TSC22D3: variants seen among roughly 807,000 people sequenced by gnomAD.
TSC22D3 encodes TSC22 domain family member 3.
In TSC22D3, 4 loss-of-function variants were observed where a neutral mutation model predicts 11.1. The ratio of observed to expected loss-of-function variants is 0.36; its 90% CI spans 0.18 to 0.83. The LOEUF (loss-of-function observed/expected upper bound fraction) is 0.83. TSC22D3 is among the 40% of genes least tolerant of loss of function. The probability of loss-of-function intolerance (pLI) is 0.48; values close to 1 mark genes in which losing one functional copy is unlikely to be tolerated. For synonymous variants in TSC22D3, 77 were observed against 70.3 expected (o/e 1.10, Z -0.48); for missense variants, 118 against 159.4 (o/e 0.74, Z 1.40).
intron 1 of TSC22D3, among the ~76,000 whole-genome samples, chrX:107,746,846 T>A (rs1225546953): frequency 8.9e-6 from 1 of 112,215 alleles, no homozygotes; most frequent in Non-Finnish European, 1.9e-5. Context: ...TGGATTACAT[T>A]TGAAGGAGTG....
chrX:107,748,419 C>T (rs1928772762), intron 1 of TSC22D3, among the ~76,000 whole-genome samples: 1 of 111,618 alleles, frequency 9.0e-6, no homozygotes. Context: ...CAGTGGTCAG[C>T]TCAGAAGCCC....
In TSC22D3 at chrX:107,713,815, T is replaced by G. The variant is rs1217114563; in HGVS notation, c.*704A>C. 8.9e-6 allele frequency: 1 copy of G among 112,677 alleles called. No individual in the cohort carries two copies. 9.3% of individuals were successfully genotyped at this position (112,677 alleles called of 1,213,427 possible). On this transcript the variant is annotated 3_prime_UTR_variant, in exon 3 of 3. Transcript: ENST00000372383. ...CTGGTTAGGCCCTTCAACATGTAGG[T>G]GGATGTGTATATGTATACATCGCTA... is the stretch of plus-strand genomic sequence containing the variant.
Position 107,738,416 on chromosome X carries a change from C to T in TSC22D3, c.321-22466G>A, listed in dbSNP as rs58725239. On this transcript the variant is annotated intron_variant, in intron 1 of 2. Coordinates refer to ENST00000372383, the MANE Select transcript of TSC22D3 (RefSeq NM_198057.3). ...ACCCTGCCCTCTGGGTGATCTTGCTCAAGGACGCCAAGGGAGTTGGTGGTA... is the reference window on the plus strand; with the variant it reads ...ACCCTGCCCTCTGGGTGATCTTGCTTAAGGACGCCAAGGGAGTTGGTGGTA... Among the ~76,000 whole-genome samples, 670 of 112,670 alleles carry T rather than the reference C, an allele frequency of 5.9e-3. 4 individuals carry two copies. The highest frequency in any genetic ancestry group is 0.021 in the African/African-American group (640 of 31,001).
chrX:107,716,576 G>A (rs1927052363), intron 1 of TSC22D3: 1 of 925,190 alleles, frequency 1.1e-6, no homozygotes, highest in Non-Finnish European at 1.3e-6. Context: ...CCAGGATGCT[G>A]CACCGCGGGG....
chrX:107,769,810 G>C (rs1929825035), intron 1 of TSC22D3, among the ~76,000 whole-genome samples: 1 of 110,805 alleles, frequency 9.0e-6, no homozygotes. Context: ...CCACCTACTA[G>C]TCTCCTTGCA....
intron 1 of TSC22D3, among the ~76,000 whole-genome samples, chrX:107,749,178 TACACACACACACACACACAC>T (rs61681572): frequency 1.7e-3 from 145 of 87,356 alleles, no homozygotes; most frequent in African/African-American, 5.9e-3. Flanking sequence ...CTACTAAAAA[TACACACACACACACACACAC>T]ACACACACAC....
intron 1 of TSC22D3, among the ~76,000 whole-genome samples, chrX:107,758,559 C>A (rs1009124125): frequency 4.5e-5 from 5 of 111,574 alleles, no homozygotes; most frequent in African/African-American, 1.3e-4. Context: ...CTGAGTCATG[C>A]AACAGTGGGC....
At chrX:107,754,224 G>C (rs916998625) in intron 1 of TSC22D3, among the ~76,000 whole-genome samples, 2 of 111,044 alleles carry the variant, frequency 1.8e-5, no homozygotes, top group African/African-American at 6.6e-5. Flanking sequence ...GGCCTATCAT[G>C]GTGCAATTTC....
intron 1 of TSC22D3, among the ~76,000 whole-genome samples, chrX:107,753,933 T>TA (rs1569453087): frequency 1.8e-5 from 2 of 108,553 alleles, no homozygotes; most frequent in African/African-American, 3.4e-5. Context: ...TTTTTTTTTT[T>TA]AAGACGGAGT....
chrX:107,715,749 G>T, intron 2 of TSC22D3, 150 bp downstream of exon 2: 2 of 652,320 alleles, frequency 3.1e-6, no homozygotes, highest in South Asian at 2.3e-5. Context: ...ACTCTAATCA[G>T]ACTCCACCTC....
chrX:107,715,208 T>C (rs988862597), intron 2 of TSC22D3, among the ~76,000 whole-genome samples: 1 of 112,061 alleles, frequency 8.9e-6, no homozygotes, highest in African/African-American at 3.3e-5. Flanking sequence ...TAAAATTGGC[T>C]ATTTTAGAGT....
intron 1 of TSC22D3, among the ~76,000 whole-genome samples, chrX:107,754,736 A>G (rs924258960): frequency 1.8e-5 from 2 of 112,385 alleles, no homozygotes; most frequent in African/African-American, 6.5e-5. Flanking sequence ...AATCTTACAC[A>G]GCTACAGTTT....
chrX:107,745,644 C>T (rs1928614687), intron 1 of TSC22D3, among the ~76,000 whole-genome samples: 1 of 112,430 alleles, frequency 8.9e-6, no homozygotes, highest in Non-Finnish European at 1.9e-5. Flanking sequence ...ATGAAGAATA[C>T]AAAAGTAGCC....
At chrX:107,717,399 CT>C (rs1359375860) in intron 1 of TSC22D3, among the ~76,000 whole-genome samples, 1 of 112,794 alleles carries the variant, frequency 8.9e-6, no homozygotes, top group Non-Finnish European at 1.9e-5. Flanking sequence ...GCCCCCATGG[CT>C]TTGCATGCTC....
chrX:107,766,461 C>CG (rs1414533065), intron 1 of TSC22D3, among the ~76,000 whole-genome samples: 1 of 95,524 alleles, frequency 1.0e-5, no homozygotes, highest in African/African-American at 4.0e-5. Flanking sequence ...CGCCCCCCCC[C>CG]CAACAACTCC....
intron 1 of TSC22D3, among the ~76,000 whole-genome samples, chrX:107,719,559 C>T (rs771942509): frequency 2.0e-4 from 22 of 112,151 alleles, no homozygotes; most frequent in African/African-American, 5.5e-4. Context: ...TTGCCCAAGG[C>T]GGCAAAGGTA....
chrX:107,763,236 C>T (rs973959930), intron 1 of TSC22D3, among the ~76,000 whole-genome samples: 4 of 111,500 alleles, frequency 3.6e-5, no homozygotes, highest in Non-Finnish European at 5.7e-5. Context: ...TCTTGTAGAT[C>T]AATAATCTTA....
At chrX:107,762,433 T>A (rs1445389722) in intron 1 of TSC22D3, among the ~76,000 whole-genome samples, 3 of 112,246 alleles carry the variant, frequency 2.7e-5, no homozygotes, top group Admixed American at 9.4e-5. Flanking sequence ...TTGACATTTT[T>A]ATTATAAAAG....
At chrX:107,757,310 T>C (rs1347857702) in intron 1 of TSC22D3, among the ~76,000 whole-genome samples, 1 of 111,653 alleles carries the variant, frequency 9.0e-6, no homozygotes, top group Non-Finnish European at 1.9e-5. Flanking sequence ...CGGTCTAATG[T>C]GGGAGGTCAC....
Sources: allele counts gnomAD v4.1 joint callset (sites outside exome capture counted in the v4.1 genomes callset), GRCh38; gene constraint gnomAD v4.1.1; transcripts MANE v1.5; gene names NCBI Gene and HGNC (gene_info 2026-07-23, HGNC 2026-07-21).